The following CAB39L variants were observed in gnomAD, a reference collection of about 807,000 sequenced individuals.
The protein encoded by CAB39L is calcium binding protein 39 like, also known as calcium-binding protein 39-like.
In CAB39L, 23 loss-of-function variants were observed where a neutral mutation model predicts 39.1. That is an observed-to-expected ratio of 0.59 (90% CI 0.42 to 0.83). CAB39L has a LOEUF of 0.83. Among genes scored for constraint, CAB39L ranks in the 40% least tolerant of loss-of-function variants. CAB39L has a pLI of 0.00. For missense variants in CAB39L, 366 were observed against 391.9 expected (o/e 0.93, Z 0.56); for synonymous variants, 126 against 137.2 (o/e 0.92, Z 0.57).
At chr13:49,344,086 C>A in intron 8 of CAB39L, 93 bp downstream of exon 8, 1 of 782,258 alleles carries the variant, frequency 1.3e-6, no homozygotes, top group Non-Finnish European at 2.2e-6. Context: ...CGACTGATTT[C>A]TCTTGTGGAT....
At chr13:49,396,641 G>A (rs1566115982) in intron 3 of CAB39L, among the ~76,000 whole-genome samples, 1 of 151,896 alleles carries the variant, frequency 6.6e-6, no homozygotes, top group Non-Finnish European at 1.5e-5. Context: ...CCAGAAGGCG[G>A]AGGTTGCAGT....
intron 4 of CAB39L, 67 bp downstream of exon 4, chr13:49,382,733 T>C: frequency 2.1e-6 from 2 of 959,066 alleles, no homozygotes; most frequent in South Asian, 2.7e-5. Context: ...TTCATTAAGC[T>C]TTTACATTGG....
chr13:49,337,060 T>A (rs944992601), intron 9 of CAB39L, among the ~76,000 whole-genome samples: 10 of 151,968 alleles, frequency 6.6e-5, no homozygotes, highest in Non-Finnish European at 1.3e-4. Flanking sequence ...CCAGTGAGGG[T>A]ACAAATATAA....
chr13:49,387,480 G>A (rs1956391502), intron 3 of CAB39L, among the ~76,000 whole-genome samples: 2 of 152,246 alleles, frequency 1.3e-5, no homozygotes, highest in African/African-American at 4.8e-5. Flanking sequence ...TTGAGACCAC[G>A]CACATCAACG....
chr13:49,415,476 G>C (rs750588279), intron 3 of CAB39L, among the ~76,000 whole-genome samples: 1 of 147,838 alleles, frequency 6.8e-6, no homozygotes, highest in African/African-American at 2.5e-5. Flanking sequence ...AGCCAAGATC[G>C]TGCCACTGCA....
At chr13:49,371,717 C>T (rs1488783779) in intron 5 of CAB39L, among the ~76,000 whole-genome samples, 1 of 151,968 alleles carries the variant, frequency 6.6e-6, no homozygotes, top group Non-Finnish European at 1.5e-5. Context: ...CCACCTTAGC[C>T]TCCTGAGTAG....
chr13:49,365,841 C>T (rs1255214422), intron 5 of CAB39L, among the ~76,000 whole-genome samples: 1 of 152,188 alleles, frequency 6.6e-6, no homozygotes, highest in African/African-American at 2.4e-5. Flanking sequence ...GAGATATCTA[C>T]ACTCCCATAT....
intron 5 of CAB39L, among the ~76,000 whole-genome samples, chr13:49,366,626 T>TA (rs770961088): frequency 0.45 from 27,743 of 61,942 alleles, 5,971 homozygotes; most frequent in Middle Eastern, 0.64. Context: ...AAACTCTGTC[T>TA]AAAAAAAAAA....
intron 5 of CAB39L, among the ~76,000 whole-genome samples, chr13:49,363,822 C>CAAAAAAA (rs112015067): frequency 1.7e-5 from 1 of 59,476 alleles, no homozygotes; most frequent in Non-Finnish European, 3.3e-5. Context: ...GACCCTGTCT[C>CAAAAAAA]AAAAAAAAAA....
chr13:49,418,823 A>C (rs1566131122), intron 3 of CAB39L, among the ~76,000 whole-genome samples: 1 of 152,052 alleles, frequency 6.6e-6, no homozygotes, highest in Non-Finnish European at 1.5e-5. Flanking sequence ...GACCTCCTAA[A>C]GTGCTGGAAT....
rs79772751 is a variant in CAB39L, at chr13:49,430,332, A to G, written c.-32+2986T>C. On this transcript the variant is annotated intron_variant, in intron 3 of 10. Coordinates refer to ENST00000409308, the MANE Select transcript of CAB39L (RefSeq NM_001079670.3). Reference sequence around the variant, plus strand: ...TGTGAATTTAACTATAAAATTTGCCATAGGAAATCAGTAAGGCATACGTAA... The same window carrying G: ...TGTGAATTTAACTATAAAATTTGCCGTAGGAAATCAGTAAGGCATACGTAA... Among the ~76,000 whole-genome samples, 559 of 152,334 alleles carry G rather than the reference A, an allele frequency of 3.7e-3. 3 individuals are homozygous for G. The highest frequency in any genetic ancestry group is 0.012 in the African/African-American group (485 of 41,572).
chr13:49,394,955 T>C (rs1956575833), intron 3 of CAB39L, among the ~76,000 whole-genome samples: 1 of 152,142 alleles, frequency 6.6e-6, no homozygotes, highest in South Asian at 2.1e-4. Context: ...TAACTACAAC[T>C]ATGTAAAGCA....
chr13:49,388,271 T>C lies in CAB39L; in HGVS notation c.-31-5330A>G, dbSNP rs548610444. On this transcript the variant is annotated intron_variant, in intron 3 of 10. Transcript: ENST00000409308. ...ATTAAAACTGGAACAGAATCAAAGA[T>C]ATAACAGCGTAAACAGAAAAACAAT... 3.3e-5 allele frequency among the ~76,000 whole-genome samples: 5 copies of C among 152,264 alleles called. No individual in the cohort carries two copies. In the South Asian group the frequency reaches 1.0e-3, roughly 32 times the overall value.
At chr13:49,442,053 T>C (rs1238073798) in intron 1 of CAB39L, among the ~76,000 whole-genome samples, 1 of 152,264 alleles carries the variant, frequency 6.6e-6, no homozygotes, top group Non-Finnish European at 1.5e-5. Flanking sequence ...GTTTTGACAT[T>C]CTGAGTAAGA....
intron 8 of CAB39L, among the ~76,000 whole-genome samples, chr13:49,342,919 A>C (rs527772034): frequency 6.6e-6 from 1 of 152,226 alleles, no homozygotes; most frequent in Non-Finnish European, 1.5e-5. Flanking sequence ...ACATTAAAAT[A>C]ACATTTTTCG....
At chr13:49,333,576 T>C (rs1019242647) in intron 9 of CAB39L, among the ~76,000 whole-genome samples, 11 of 135,266 alleles carry the variant, frequency 8.1e-5, no homozygotes, top group Admixed American at 2.2e-4. Flanking sequence ...TTCTTTTTTT[T>C]TTTTTTTTTT....
At chr13:49,342,542 A>G (rs1482286452) in intron 8 of CAB39L, among the ~76,000 whole-genome samples, 2 of 152,214 alleles carry the variant, frequency 1.3e-5, no homozygotes, top group Non-Finnish European at 2.9e-5. Flanking sequence ...AAGACAGCAG[A>G]TTACATTCTT....
chr13:49,399,468 T>A (rs1471222626), intron 3 of CAB39L, among the ~76,000 whole-genome samples: 1 of 152,088 alleles, frequency 6.6e-6, no homozygotes, highest in Non-Finnish European at 1.5e-5. Context: ...TTTAGTTTCG[T>A]CATTGGAATT....
At chr13:49,425,555 T>A (rs144456344) in intron 3 of CAB39L, among the ~76,000 whole-genome samples, 1 of 152,118 alleles carries the variant, frequency 6.6e-6, no homozygotes, top group Non-Finnish European at 1.5e-5. Flanking sequence ...GGTAGCAAAA[T>A]TATTTGGTAA....
Sources: gnomAD v4.1 joint callset for allele counts (sites outside exome capture counted in the v4.1 genomes callset) on GRCh38, gnomAD v4.1.1 for gene constraint, MANE v1.5 for transcripts, NCBI Gene and HGNC (gene_info 2026-07-23, HGNC 2026-07-21) for gene names.